Variants in BMP4 observed in about 807,000 individuals in gnomAD.
The protein encoded by BMP4 is bone morphogenetic protein 2B.
Under a neutral mutation model 29.6 loss-of-function variants are expected in BMP4, and 3 were observed. The observed-to-expected ratio is 0.10, with a 90% confidence interval of 0.05 to 0.26. BMP4 has a LOEUF of 0.26. Ranked by LOEUF, BMP4 falls within the 10% of genes least tolerant of loss-of-function variation. The pLI, the probability that BMP4 is intolerant of heterozygous loss-of-function variation, is 1.00. For missense variants in BMP4, 455 were observed against 550.2 expected (o/e 0.83, Z 1.73); for synonymous variants, 197 against 213.2 (o/e 0.92, Z 0.66).
chr14:53,953,245 G>A (rs1248157419), intron 2 of BMP4, 31 bp downstream of exon 2: 4 of 396,714 alleles, frequency 1.0e-5, no homozygotes, highest in Non-Finnish European at 1.3e-5. Context: ...AGTGAATTCC[G>A]GGGAGGGGGA....
Position 53,950,784 on chromosome 14 carries a change from G to A in BMP4, c.475C>T (p.Arg159Trp), listed in dbSNP as rs774455359. ...TGGTCCACCTGCTCCCGGAAGAGCC[G>A]AAGCTCTGCAGAGGAGATCACCTCG... ...ENEVISSAEL[R>W]LFREQVDQGP... Residue 159 changes from arginine to tryptophan, a missense_variant, in exon 4 of 4, where the codon CGG (arginine) becomes TGG (tryptophan). By Grantham distance (101) the Arg-to-Trp change is moderately radical. Coordinates refer to ENST00000245451, the MANE Select transcript of BMP4 (RefSeq NM_001202.6). The surrounding 1 kb of genome is among the most constrained non-coding windows in gnomAD (Gnocchi z 5.4). The A allele has an allele frequency of 1.7e-5, 27 of 1,613,432 alleles. No individual in the cohort carries two copies. Among genetic ancestry groups the A allele is most frequent in the African/African-American group, 6.7e-5 (5 of 74,928 alleles).
chr14:53,950,466 A>G lies in BMP4; in HGVS notation c.793T>C (p.Trp265Arg). The change falls in exon 4 of 4, where the codon TGG becomes CGG. Residue 265 changes from tryptophan (W) to arginine (R), a missense_variant. Trp to Arg is a moderately radical substitution (Grantham distance 101). Transcript: ENST00000245451. This position sits in a 1 kb window ranked among gnomAD's most constrained non-coding sequence, Gnocchi z 5.4. ...ACCAGGAGGGGCCGGAGCTGGGCCC[A>G]ATTCCCACTCCCTTGAGGTAACGAT... The part of the protein sequence containing the change: ...SRSLPQGSGN[W>R]AQLRPLLVTF... 2 of 1,614,026 alleles carry G rather than the reference A, an allele frequency of 1.2e-6. No individual in the cohort carries two copies. The highest frequency in any genetic ancestry group is 1.3e-5 in the African/African-American group (1 of 75,066).
chr14:53,955,784 C>G lies in BMP4; in HGVS notation c.-133+766G>C, dbSNP rs1309351032. On this transcript the variant is annotated intron_variant, in intron 1 of 3. Coordinates refer to ENST00000245451, the MANE Select transcript of BMP4 (RefSeq NM_001202.6). This position sits in a 1 kb window ranked among gnomAD's most constrained non-coding sequence, Gnocchi z 4.0. Reference sequence around the variant, plus strand: ...CCGGGCCTGGAGGGCCAGGAAGAGCCGCGCGTCCGCCTTTCGTCCCGCCAG... The same window carrying G: ...CCGGGCCTGGAGGGCCAGGAAGAGCGGCGCGTCCGCCTTTCGTCCCGCCAG... 3 of 152,156 alleles carry G rather than the reference C, an allele frequency of 2.0e-5. No homozygotes were observed. The highest frequency in any genetic ancestry group is 7.2e-5 in the African/African-American group (3 of 41,430). 9.4% of individuals were successfully genotyped at this position (152,156 alleles called of 1,614,324 possible).
intron 2 of BMP4, 45 bp from the exon 3 acceptor site, chr14:53,952,274 C>G: frequency 6.3e-7 from 1 of 1,591,340 alleles, no homozygotes; most frequent in African/African-American, 1.3e-5. Flanking sequence ...TAAATAAACA[C>G]CAATAAATAG....
At chr14:53,953,930 C>T (rs1023439442) in intron 1 of BMP4, among the ~76,000 whole-genome samples, 1 of 71,330 alleles carries the variant, frequency 1.4e-5, no homozygotes, top group African/African-American at 3.2e-5. Flanking sequence ...TACACACACA[C>T]CCCCCCACAC....
rs894260389 is a variant in BMP4 at position 53,949,838 on chromosome 14, G to A, written c.*194C>T. On this transcript the variant is annotated 3_prime_UTR_variant, in exon 4 of 4. Transcript: ENST00000245451. ...ATCAATATGGTCAAAACATTTGCAC[G>A]TAAAGTCATAAATAAGGTCAAGGTG... 4.6e-5 allele frequency: 27 copies of A among 584,038 alleles called. No homozygotes were observed. Among genetic ancestry groups the A allele is most frequent in the Admixed American group, 2.9e-4 (9 of 31,020 alleles). 36.2% of individuals were successfully genotyped at this position (584,038 alleles called of 1,614,324 possible).
At chr14:53,953,908 C>A (rs1178169184) in intron 1 of BMP4, among the ~76,000 whole-genome samples, 1 of 143,352 alleles carries the variant, frequency 7.0e-6, no homozygotes, top group Non-Finnish European at 1.6e-5. Flanking sequence ...AGGGACCCTG[C>A]CCACGCGCGT....
intron 3 of BMP4, chr14:53,951,297 C>T: frequency 3.8e-6 from 1 of 261,008 alleles, no homozygotes; most frequent in South Asian, 4.9e-5. Context: ...AACATGCAGA[C>T]AACCACCCTC....
chr14:53,956,471 C>A (rs1895722851), intron 1 of BMP4, 79 bp downstream of exon 1: 2 of 399,210 alleles, frequency 5.0e-6, no homozygotes, highest in Non-Finnish European at 8.8e-6. Context: ...TCGGTCACAG[C>A]CTGTGACCAG....
At chr14:53,951,279 CA>C in intron 3 of BMP4, 1 of 271,200 alleles carries the variant, frequency 3.7e-6, no homozygotes, top group South Asian at 4.4e-5. Context: ...AGAGCACAGG[CA>C]GGAGGAAACA....
In BMP4 at chr14:53,949,883, C is replaced by CATTTTT. The variant is rs796563569; in HGVS notation, c.*148_*149insAAAAAT. On this transcript the variant is annotated 3_prime_UTR_variant, in exon 4 of 4. Transcript: ENST00000245451. ...AAGGTGAATGTTTAGGGATTTTTTCCTTTTTTTTTTTTTTTTTTAAATAAA... is the reference window on the plus strand; with the variant it reads ...AAGGTGAATGTTTAGGGATTTTTTCCATTTTTTTTTTTTTTTTTTTTTTTAAATAAA... The CATTTTT allele has an allele frequency of 4.8e-5, 31 of 644,312 alleles. 4 individuals carry two copies. Among genetic ancestry groups the CATTTTT allele is most frequent in the African/African-American group, 6.5e-5 (3 of 46,036 alleles). 39.9% of individuals were successfully genotyped at this position (644,312 alleles called of 1,614,324 possible).
intron 2 of BMP4, 133 bp downstream of exon 2, chr14:53,953,143 G>A (rs1473524973): frequency 5.2e-6 from 2 of 385,880 alleles, no homozygotes; most frequent in Non-Finnish European, 9.2e-6. Context: ...GGGCCAAGAA[G>A]GGAGCGACAG....
chr14:53,952,515 T>G (rs1353097153), intron 2 of BMP4, among the ~76,000 whole-genome samples: 4 of 152,134 alleles, frequency 2.6e-5, no homozygotes, highest in Non-Finnish European at 5.9e-5. Flanking sequence ...TAATCTTTTT[T>G]TGTCCTAACT....
intron 2 of BMP4, among the ~76,000 whole-genome samples, chr14:53,952,582 G>T (rs1182984335): frequency 6.6e-6 from 1 of 151,974 alleles, no homozygotes; most frequent in African/African-American, 2.4e-5. Context: ...TTAACATTGA[G>T]GGGGTGAAAA....
chr14:53,956,331 G>T (rs915711470), intron 1 of BMP4, among the ~76,000 whole-genome samples: 2 of 152,214 alleles, frequency 1.3e-5, no homozygotes, highest in Admixed American at 6.5e-5. Context: ...TCCCAAAGGT[G>T]AGAATCTCCC....
Position 53,955,082 on chromosome 14 carries a change from C to G in BMP4, c.-133+1468G>C, listed in dbSNP as rs990952609. Among the ~76,000 whole-genome samples, 3 of 152,228 alleles carry G rather than the reference C, an allele frequency of 2.0e-5. No individual in the cohort carries two copies. Among genetic ancestry groups the G allele is most frequent in the Non-Finnish European group, 4.4e-5 (3 of 68,032 alleles). ...GACCGTCCGCGCCCGGCAAGAGCCG[C>G]GCGGCTTTCGCCTTTGCTGGTCCCG... On this transcript the variant is annotated intron_variant, in intron 1 of 3. Coordinates refer to ENST00000245451, the MANE Select transcript of BMP4 (RefSeq NM_001202.6). The surrounding 1 kb of genome is among the most constrained non-coding windows in gnomAD (Gnocchi z 4.0).
In BMP4 at chr14:53,952,011, G is replaced by T. The variant is rs771808387; in HGVS notation, c.212C>A (p.Pro71Gln). 1.9e-6 allele frequency: 3 copies of T among 1,613,894 alleles called. No individual in the cohort carries two copies. ...LLQMFGLRRR[P>Q]QPSKSAVIPD... ...AATGACGGCACTCTTGCTAGGCTGCGGGCGGCGGCGCAGCCCAAACATCTG... is the reference window on the plus strand; with the variant it reads ...AATGACGGCACTCTTGCTAGGCTGCTGGCGGCGGCGCAGCCCAAACATCTG... Residue 71 changes from proline (P) to glutamine (Q), a missense_variant, in exon 3 of 4, where the codon CCG (proline) becomes CAG (glutamine). Pro to Gln is a moderately conservative substitution (Grantham distance 76, BLOSUM62 -1). Transcript: ENST00000245451.
At position 53,949,938 on chromosome 14, in the gene BMP4, G is replaced by T; in HGVS notation, c.*94C>A. Reference sequence around the variant, plus strand: ...CAGCTATAAGGAAGCAGTCTGTGTAGTGTGTGGGTGAGTGGATGGGAACGT... The same window carrying T: ...CAGCTATAAGGAAGCAGTCTGTGTATTGTGTGGGTGAGTGGATGGGAACGT... On this transcript the variant is annotated 3_prime_UTR_variant, in exon 4 of 4. Coordinates refer to ENST00000245451, the MANE Select transcript of BMP4 (RefSeq NM_001202.6). 1.5e-6 allele frequency: 2 copies of T among 1,290,414 alleles called. No homozygotes were observed. Among genetic ancestry groups the T allele is most frequent in the Admixed American group, 1.9e-5 (1 of 53,310 alleles). 79.9% of individuals were successfully genotyped at this position (1,290,414 alleles called of 1,614,324 possible). A position where few individuals can be genotyped will look rare whatever the true frequency, so the allele number is the denominator to read the frequency against.
Position 53,949,882 on chromosome 14 carries a change from C to A in BMP4, c.*150G>T. 1 of 590,290 alleles carries A rather than the reference C, an allele frequency of 1.7e-6. No homozygotes were observed. Among genetic ancestry groups the A allele is most frequent in the Non-Finnish European group, 2.7e-6 (1 of 373,074 alleles). 36.6% of individuals were successfully genotyped at this position (590,290 alleles called of 1,614,324 possible). A position where few individuals can be genotyped will look rare whatever the true frequency, so the allele number is the denominator to read the frequency against. ...CAAGGTGAATGTTTAGGGATTTTTT[C>A]CTTTTTTTTTTTTTTTTTTAAATAA... On this transcript the variant is annotated 3_prime_UTR_variant, in exon 4 of 4. Transcript: ENST00000245451.
Sources: gnomAD v4.1 joint callset for allele counts (sites outside exome capture counted in the v4.1 genomes callset) on GRCh38, gnomAD v4.1.1 for gene constraint, Gnocchi (gnomAD v3.1) non-coding constraint, MANE v1.5 for transcripts, NCBI Gene and HGNC (gene_info 2026-07-23, HGNC 2026-07-21) for gene names.